BAZ2B: variants seen among roughly 807,000 people sequenced by gnomAD.
The protein encoded by BAZ2B is bromodomain adjacent to zinc finger domain 2B, also known as bromodomain adjacent to zinc finger domain protein 2B.
In BAZ2B, 91 loss-of-function variants were observed where a neutral mutation model predicts 246.0. The ratio of observed to expected loss-of-function variants is 0.37; its 90% confidence interval spans 0.31 to 0.44. The LOEUF (loss-of-function observed/expected upper bound fraction) is 0.44, where lower values mean the gene tolerates loss of function less well. Ranked by LOEUF, BAZ2B falls within the 20% of genes least tolerant of loss-of-function variation. The pLI, the probability that BAZ2B is intolerant of heterozygous loss-of-function variation, is 1.00. For synonymous variants in BAZ2B, 855 were observed against 860.0 expected (o/e 0.99, Z 0.10); for missense variants, 2,332 against 2,533.7 (o/e 0.92, Z 1.71).
At chr2:159,623,992 A>C in the BAZ2B span, among the ~76,000 whole-genome samples, 3 of 152,222 alleles carry the variant, frequency 2.0e-5, no homozygotes, top group South Asian at 6.2e-4. Flanking sequence ...AACCTGGGAC[A>C]CTTGAGCTTG....
downstream of BAZ2B, among the ~76,000 whole-genome samples, chr2:159,315,315 T>C (rs907822969): frequency 1.1e-4 from 17 of 152,130 alleles, no homozygotes; most frequent in Admixed American, 1.1e-3. Flanking sequence ...AACGGAGTGG[T>C]TTAAACCAAC....
intron 1 of BAZ2B, among the ~76,000 whole-genome samples, chr2:159,566,577 G>A (rs942261282): frequency 1.3e-5 from 2 of 152,106 alleles, no homozygotes; most frequent in African/African-American, 4.8e-5. Flanking sequence ...ACAACAGGAG[G>A]CCATTCACAT....
chr2:159,324,444 C>T (rs1252728499), intron 36 of BAZ2B, among the ~76,000 whole-genome samples: 1 of 152,030 alleles, frequency 6.6e-6, no homozygotes, highest in Non-Finnish European at 1.5e-5. Context: ...TCCATGGATG[C>T]AAAATACAAA....
chr2:159,542,277 G>A (rs1578217932), intron 2 of BAZ2B, among the ~76,000 whole-genome samples: 1 of 152,162 alleles, frequency 6.6e-6, no homozygotes, highest in East Asian at 1.9e-4. Context: ...TGAAAAAATA[G>A]TGGATGGAAA....
chr2:159,667,245 G>T, the BAZ2B span, among the ~76,000 whole-genome samples: 1 of 150,852 alleles, frequency 6.6e-6, no homozygotes, highest in African/African-American at 2.4e-5. Flanking sequence ...TTCAATATAA[G>T]ATAGGATTAA....
chr2:159,526,750 T>C (rs965817090), intron 2 of BAZ2B, among the ~76,000 whole-genome samples: 1 of 151,976 alleles, frequency 6.6e-6, no homozygotes, highest in Non-Finnish European at 1.5e-5. Context: ...CAGAAATGAA[T>C]AAAAATAAAA....
At chr2:159,635,627 G>A in the BAZ2B span, among the ~76,000 whole-genome samples, 9 of 149,138 alleles carry the variant, frequency 6.0e-5, no homozygotes, top group Admixed American at 6.0e-4. Context: ...TTTCTTGTCT[G>A]GTTCTGCTAC....
At chr2:159,493,303 G>A (rs2151035981) in intron 2 of BAZ2B, among the ~76,000 whole-genome samples, 1 of 152,272 alleles carries the variant, frequency 6.6e-6, no homozygotes, top group African/African-American at 2.4e-5. Flanking sequence ...TATTTTAAGT[G>A]CTCAACAGCT....
the BAZ2B span, among the ~76,000 whole-genome samples, chr2:159,691,854 T>C: frequency 6.6e-6 from 1 of 152,198 alleles, no homozygotes; most frequent in Non-Finnish European, 1.5e-5. Flanking sequence ...TAAGGACTTT[T>C]AAGCATATAC....
At chr2:159,352,132 C>T (rs975608669) in intron 27 of BAZ2B, among the ~76,000 whole-genome samples, 1 of 152,194 alleles carries the variant, frequency 6.6e-6, no homozygotes, top group Admixed American at 6.5e-5. Context: ...CACTCTTGTC[C>T]TTGATAACTC....
At chr2:159,552,969 A>T (rs993807833) in intron 2 of BAZ2B, among the ~76,000 whole-genome samples, 1 of 152,210 alleles carries the variant, frequency 6.6e-6, no homozygotes, top group African/African-American at 2.4e-5. Context: ...TTTAAGTGTG[A>T]AAAGAAAAAG....
intron 13 of BAZ2B, among the ~76,000 whole-genome samples, chr2:159,416,791 T>C (rs1186298918): frequency 6.6e-6 from 1 of 152,226 alleles, no homozygotes; most frequent in African/African-American, 2.4e-5. Context: ...AGGGATTGCA[T>C]ATACTGGATT....
rs2065637829 is a variant in BAZ2B, at chr2:159,404,784, C to G, written c.2832+65G>C. 29 of 1,340,852 alleles carry G rather than the reference C, an allele frequency of 2.2e-5. No individual in the cohort carries two copies. In the East Asian group the frequency reaches 6.7e-4, roughly 31 times the overall value. The allele number at this position is 1,340,852 out of a possible 1,614,324, so 83.1% of individuals were successfully genotyped here. A position where few individuals can be genotyped will look rare whatever the true frequency, so the allele number is the denominator to read the frequency against. On this transcript the variant is annotated intron_variant, in intron 16 of 36. Coordinates refer to ENST00000392783, the MANE Select transcript of BAZ2B (RefSeq NM_013450.4). ...TATTTAAGAAATCAAAAATAATGTA[C>G]ATTACTAACAAATCCTCAAAATAAG...
chr2:159,701,723 T>C, the BAZ2B span, among the ~76,000 whole-genome samples: 1 of 148,260 alleles, frequency 6.7e-6, no homozygotes, highest in African/African-American at 2.4e-5. Context: ...TTTTATAATA[T>C]ATTACATATT....
At chr2:159,709,854 A>T in the BAZ2B span, among the ~76,000 whole-genome samples, 3 of 152,368 alleles carry the variant, frequency 2.0e-5, no homozygotes, top group South Asian at 6.2e-4. Flanking sequence ...ATAACAGACA[A>T]GTTTATAAAA....
Position 159,492,449 on chromosome 2 carries a change from A to G in BAZ2B, c.-2-13728T>C, listed in dbSNP as rs955650034. Among the ~76,000 whole-genome samples, 76 of 152,238 alleles carry G rather than the reference A, an allele frequency of 5.0e-4. 1 individual carries two copies. Among genetic ancestry groups the G allele is most frequent in the Non-Finnish European group, 5.9e-5 (4 of 68,038 alleles). Reference sequence around the variant, plus strand: ...CACTTACCATATTTTATCCTGTATTACAACTATGAACTTGCATACATTTGC... The same window carrying G: ...CACTTACCATATTTTATCCTGTATTGCAACTATGAACTTGCATACATTTGC... On this transcript the variant is annotated intron_variant, in intron 2 of 36. Transcript: ENST00000392783.
At chr2:159,710,441 C>T in the BAZ2B span, among the ~76,000 whole-genome samples, 2 of 152,234 alleles carry the variant, frequency 1.3e-5, no homozygotes, top group Admixed American at 1.3e-4. Context: ...ATCTCCTGAC[C>T]TCGTGATCCA....
chr2:159,642,000 CA>C, the BAZ2B span, among the ~76,000 whole-genome samples: 2 of 152,086 alleles, frequency 1.3e-5, no homozygotes, highest in Admixed American at 6.5e-5. Flanking sequence ...TTCCTTGTAT[CA>C]TTCAACTCCC....
chr2:159,555,154 C>T (rs1290337795), intron 2 of BAZ2B, among the ~76,000 whole-genome samples: 2 of 147,572 alleles, frequency 1.4e-5, no homozygotes, highest in African/African-American at 5.0e-5. Context: ...GGCAGTGGCA[C>T]AATCTCAGCT....
Sources: allele counts gnomAD v4.1 joint callset (sites outside exome capture counted in the v4.1 genomes callset), GRCh38; gene constraint gnomAD v4.1.1; transcripts MANE v1.5; gene names NCBI Gene and HGNC (gene_info 2026-07-23, HGNC 2026-07-21).